Variants in SGCZ observed in about 807,000 individuals in gnomAD.
SGCZ encodes zeta-sarcoglycan.
Under a neutral mutation model 41.3 loss-of-function variants are expected in SGCZ, and 40 were observed. The observed-to-expected ratio is 0.97, with a 90% CI of 0.75 to 1.26. SGCZ has a LOEUF of 1.26. Among genes scored for constraint, SGCZ ranks in the 50% most tolerant of loss-of-function variants. The pLI is 0.00. For missense variants in SGCZ, 552 were observed against 369.8 expected, an observed-to-expected ratio of 1.49 and a Z score of -4.04; for synonymous variants, 206 against 137.5, an observed-to-expected ratio of 1.50 and a Z score of -3.49.
chr8:14,912,928 G>A (rs1042298495), intron 1 of SGCZ, among the ~76,000 whole-genome samples: 1 of 152,084 alleles, frequency 6.6e-6, no homozygotes, highest in Non-Finnish European at 1.5e-5. Context: ...CACAGTGAGA[G>A]AATAAATTGA....
At chr8:14,270,145 A>G (rs1026198156) in intron 3 of SGCZ, among the ~76,000 whole-genome samples, 3 of 145,822 alleles carry the variant, frequency 2.1e-5, no homozygotes, top group African/African-American at 7.3e-5. Context: ...CAGCCTGGCC[A>G]ACATGGTGAA....
intron 1 of SGCZ, among the ~76,000 whole-genome samples, chr8:15,061,935 A>G (rs907715629): frequency 6.6e-6 from 1 of 152,186 alleles, no homozygotes; most frequent in Admixed American, 6.5e-5. Context: ...CCTGCCCAGT[A>G]TCTAGCTGAT....
intron 2 of SGCZ, among the ~76,000 whole-genome samples, chr8:14,420,867 A>C (rs1264701295): frequency 6.6e-6 from 1 of 152,246 alleles, no homozygotes; most frequent in South Asian, 2.1e-4. Flanking sequence ...AGAATAAAGG[A>C]ATACTTGCTT....
At chr8:15,056,280 C>A (rs1804696644) in intron 1 of SGCZ, among the ~76,000 whole-genome samples, 1 of 152,146 alleles carries the variant, frequency 6.6e-6, no homozygotes, top group Non-Finnish European at 1.5e-5. Flanking sequence ...TCTTTGCTGA[C>A]ATAAGATAAT....
chr8:14,663,187 G>A (rs1281205157), intron 1 of SGCZ, among the ~76,000 whole-genome samples: 1 of 152,090 alleles, frequency 6.6e-6, no homozygotes, highest in Non-Finnish European at 1.5e-5. Flanking sequence ...TCCTTCATAA[G>A]AATTCTTAAA....
chr8:14,330,807 G>T (rs1171861407), intron 2 of SGCZ, among the ~76,000 whole-genome samples: 1 of 151,824 alleles, frequency 6.6e-6, no homozygotes, highest in African/African-American at 2.4e-5. Flanking sequence ...ATTTTGGCAT[G>T]AAATTAAGAA....
intron 2 of SGCZ, among the ~76,000 whole-genome samples, chr8:14,444,772 C>T (rs921690681): frequency 4.0e-5 from 6 of 151,810 alleles, no homozygotes; most frequent in Non-Finnish European, 7.4e-5. Flanking sequence ...TGTAACTAAC[C>T]GGCATATTGG....
chr8:14,127,251 G>A (rs1198639244), intron 5 of SGCZ, among the ~76,000 whole-genome samples: 16 of 152,106 alleles, frequency 1.1e-4, no homozygotes. Context: ...GCCACTGATA[G>A]CTGTGTGTAT....
At chr8:14,879,704 C>T (rs1473799271) in intron 1 of SGCZ, 1 of 151,896 alleles carries the variant, frequency 6.6e-6, no homozygotes, top group Non-Finnish European at 1.5e-5. Flanking sequence ...TAGTCTGCTC[C>T]TAAACACACC....
chr8:15,153,382 T>C (rs769870266), intron 1 of SGCZ, among the ~76,000 whole-genome samples: 5 of 152,192 alleles, frequency 3.3e-5, no homozygotes, highest in East Asian at 1.9e-4. Context: ...CAGGTTATTA[T>C]ACAACTAACT....
At chr8:14,740,342 C>T (rs190608988) in intron 1 of SGCZ, among the ~76,000 whole-genome samples, 21 of 152,096 alleles carry the variant, frequency 1.4e-4, no homozygotes, top group Non-Finnish European at 2.1e-4. Flanking sequence ...TACACCAGGA[C>T]GGGTTTACCA....
At chr8:14,738,114 C>G (rs940476550) in intron 1 of SGCZ, among the ~76,000 whole-genome samples, 5 of 152,108 alleles carry the variant, frequency 3.3e-5, no homozygotes, top group Non-Finnish European at 5.9e-5. Context: ...CTTGAGACGA[C>G]CTCATCTTCT....
rs754410732 is a variant in SGCZ at position 14,609,453 on chromosome 8, C to A, written c.40-54527G>T. Among the ~76,000 whole-genome samples, 4 of 152,104 alleles carry A rather than the reference C, an allele frequency of 2.6e-5. No individual in the cohort carries two copies. In the East Asian group the frequency reaches 5.8e-4, roughly 22 times the overall value. ...AGATGTTAGGCAAGTAATATAATTT[C>A]TTGAAAAAAAGTCTTAATTAAATTA... On this transcript the variant is annotated intron_variant, in intron 1 of 7. Transcript: ENST00000382080.
chr8:14,765,470 A>G (rs1800008614), intron 1 of SGCZ, among the ~76,000 whole-genome samples: 1 of 152,254 alleles, frequency 6.6e-6, no homozygotes, highest in East Asian at 1.9e-4. Context: ...ATTTAATTCT[A>G]TTGCTATGAA....
intron 3 of SGCZ, among the ~76,000 whole-genome samples, chr8:14,259,852 G>T (rs926474433): frequency 4.0e-5 from 6 of 151,534 alleles, no homozygotes; most frequent in Admixed American, 6.6e-5. Flanking sequence ...GTGAAGAAAG[G>T]CATTGGTAGC....
chr8:14,755,693 C>A (rs932635673), intron 1 of SGCZ, among the ~76,000 whole-genome samples: 2 of 152,050 alleles, frequency 1.3e-5, no homozygotes, highest in African/African-American at 4.8e-5. Flanking sequence ...GGCCCATGAT[C>A]TTTATTGGTA....
chr8:14,409,109 T>G (rs1799292135), intron 2 of SGCZ, among the ~76,000 whole-genome samples: 1 of 152,102 alleles, frequency 6.6e-6, no homozygotes, highest in African/African-American at 2.4e-5. Flanking sequence ...AGTGTAGGAT[T>G]ATTTAAGTTG....
At chr8:14,162,513 C>G (rs973016304) in intron 5 of SGCZ, 3 of 152,238 alleles carry the variant, frequency 2.0e-5, no homozygotes, top group Non-Finnish European at 2.9e-5. Flanking sequence ...AATGTCCTTT[C>G]TGATTTGTCT....
chr8:15,092,361 T>C (rs1471549064), intron 1 of SGCZ, among the ~76,000 whole-genome samples: 2 of 152,216 alleles, frequency 1.3e-5, no homozygotes, highest in African/African-American at 4.8e-5. Flanking sequence ...AACTTTTATC[T>C]TGATGTTTAA....
Sources: allele counts gnomAD v4.1 joint callset (sites outside exome capture counted in the v4.1 genomes callset), GRCh38; gene constraint gnomAD v4.1.1; transcripts MANE v1.5; gene names NCBI Gene and HGNC (gene_info 2026-07-23, HGNC 2026-07-21).